Variants in MAP3K15 observed in about 807,000 individuals in gnomAD.
MAP3K15 encodes MAPK/ERK kinase kinase 15.
MAP3K15 carries 124 observed loss-of-function variants against 99.5 expected under a neutral mutation model. The ratio of observed to expected loss-of-function variants is 1.25; its 90% CI spans 1.08 to 1.45. The LOEUF is 1.45. Among genes scored for constraint, MAP3K15 ranks in the 40% most tolerant of loss-of-function variants. The probability of loss-of-function intolerance (pLI) is 0.00; values close to 1 mark genes in which losing one functional copy is unlikely to be tolerated. For missense variants in MAP3K15, 1,242 were observed against 1,079.7 expected, an observed-to-expected ratio of 1.15 and a Z score of -2.11; for synonymous variants, 494 against 439.6, an observed-to-expected ratio of 1.12 and a Z score of -1.55.
chrX:19,381,883 T>G (rs1297780307), intron 18 of MAP3K15, among the ~76,000 whole-genome samples: 1 of 111,855 alleles, frequency 8.9e-6, no homozygotes, highest in African/African-American at 3.3e-5. Flanking sequence ...TGGCCACGCA[T>G]GAATAGAACA....
chrX:19,460,629 G>A (rs760084793), intron 4 of MAP3K15, among the ~76,000 whole-genome samples: 1 of 111,734 alleles, frequency 8.9e-6, no homozygotes, highest in Admixed American at 9.5e-5. Context: ...ATTGAGGTGA[G>A]GGCTGGAAAC....
intron 14 of MAP3K15, among the ~76,000 whole-genome samples, chrX:19,399,169 T>G (rs5955770): frequency 0.16 from 18,258 of 111,650 alleles, 2,714 homozygotes; most frequent in African/African-American, 0.48. Context: ...GGCTGGACAC[T>G]GTGGCTCATG....
intron 14 of MAP3K15, among the ~76,000 whole-genome samples, chrX:19,400,304 C>T (rs1292604612): frequency 1.8e-5 from 2 of 112,070 alleles, no homozygotes; most frequent in Admixed American, 1.9e-4. Context: ...ACTAATTAGC[C>T]TAGAGAAAAC....
intron 6 of MAP3K15, among the ~76,000 whole-genome samples, chrX:19,445,506 C>T (rs918546606): frequency 9.6e-5 from 10 of 104,434 alleles, no homozygotes; most frequent in Admixed American, 8.4e-4. Context: ...AGGAGAATCG[C>T]TTGAACCGAG....
intron 24 of MAP3K15, among the ~76,000 whole-genome samples, chrX:19,370,666 G>A (rs1386945867): frequency 9.3e-6 from 1 of 107,647 alleles, no homozygotes; most frequent in African/African-American, 3.4e-5. Context: ...CAAAGTGCTG[G>A]GATTACAGGC....
At chrX:19,367,467 A>G (rs2063342114) in intron 25 of MAP3K15, among the ~76,000 whole-genome samples, 1 of 70,187 alleles carries the variant, frequency 1.4e-5, no homozygotes, top group South Asian at 5.4e-4. Context: ...TCTTGAACTT[A>G]AAAAAAAAAA....
chrX:19,379,605 G>A (rs1299644030), intron 19 of MAP3K15, among the ~76,000 whole-genome samples: 1 of 110,058 alleles, frequency 9.1e-6, no homozygotes, highest in Non-Finnish European at 1.9e-5. Context: ...GCGCCACCAC[G>A]TCCAGCTGAT....
intron 9 of MAP3K15, 120 bp from the exon 10 acceptor site, chrX:19,415,377 T>A: frequency 1.5e-6 from 1 of 670,563 alleles, no homozygotes. Context: ...ATGTCATGAG[T>A]GCTTCATAAA....
chrX:19,413,279 G>T (rs2063703736), intron 11 of MAP3K15, 78 bp downstream of exon 11: 4 of 658,602 alleles, frequency 6.1e-6, no homozygotes, highest in South Asian at 2.9e-5. Flanking sequence ...AAACATGGGT[G>T]CCTTTTCCTT....
intron 3 of MAP3K15, among the ~76,000 whole-genome samples, chrX:19,471,849 A>G (rs2147374648): frequency 8.9e-6 from 1 of 112,510 alleles, no homozygotes; most frequent in South Asian, 3.6e-4. Context: ...CACTAAAACT[A>G]TCTTTCAAAA....
chrX:19,404,391 T>C (rs997456002), intron 13 of MAP3K15, among the ~76,000 whole-genome samples: 4 of 112,154 alleles, frequency 3.6e-5, no homozygotes, highest in Admixed American at 9.5e-5. Flanking sequence ...GTTCATGGAT[T>C]GGAAGCCAGG....
intron 9 of MAP3K15, among the ~76,000 whole-genome samples, chrX:19,419,864 T>C (rs2063768056): frequency 8.9e-6 from 1 of 111,982 alleles, no homozygotes; most frequent in Non-Finnish European, 1.9e-5. Flanking sequence ...GCAATCAAAC[T>C]AGTACTCATG....
rs1242098349 is a variant in MAP3K15, at chrX:19,426,316, T to C, written c.1194A>G (p.Ser398=). 2.6e-6 allele frequency: 3 copies of C among 1,152,477 alleles called. No homozygotes were observed. The highest frequency in any genetic ancestry group is 3.5e-6 in the Non-Finnish European group (3 of 867,265). The allele number at this position is 1,152,477 out of a possible 1,213,427, so 95.0% of individuals were successfully genotyped here. A position where few individuals can be genotyped will look rare whatever the true frequency, so the allele number is the denominator to read the frequency against. The change falls in exon 8 of 29, where the codon TCA becomes TCG. Residue 398 remains serine (S), a synonymous_variant. Transcript: ENST00000338883. ...EWYRKGFELQ[S]SLYSGINLAV... ...CAAGATTAATTCCCGAATAGAGGGATGACTGGAGTTCAAACCCTTTGCGAT... is the reference window on the plus strand; with the variant it reads ...CAAGATTAATTCCCGAATAGAGGGACGACTGGAGTTCAAACCCTTTGCGAT...
At chrX:19,448,242 C>T (rs1003048440) in intron 6 of MAP3K15, among the ~76,000 whole-genome samples, 2 of 109,227 alleles carry the variant, frequency 1.8e-5, no homozygotes, top group Non-Finnish European at 3.9e-5. Flanking sequence ...GAGTGCCAAG[C>T]GGAGGCCCTG....
In MAP3K15 at chrX:19,488,823, T is replaced by C. The variant is rs749893712; in HGVS notation, c.501+5A>G. The C allele has an allele frequency of 6.3e-5, 75 of 1,195,723 alleles. No individual in the cohort carries two copies. Among genetic ancestry groups the C allele is most frequent in the East Asian group, 3.9e-4 (13 of 33,748 alleles). On this transcript the variant is annotated splice_donor_5th_base_variant and intron_variant, in intron 2 of 28. Coordinates refer to ENST00000338883, the MANE Select transcript of MAP3K15 (RefSeq NM_001001671.4). Reference sequence around the variant, plus strand: ...AGTACTCAGGAGAAGGTGAATACACTGTACCTTCAAAGAGAGAGCAGTGTC... The same window carrying C: ...AGTACTCAGGAGAAGGTGAATACACCGTACCTTCAAAGAGAGAGCAGTGTC...
At chrX:19,415,668 C>T (rs58687046) in intron 9 of MAP3K15, among the ~76,000 whole-genome samples, 5,282 of 109,586 alleles carry the variant, frequency 0.048, 347 homozygotes, top group African/African-American at 0.17. Context: ...GTTCTGGAGA[C>T]GTGCGACAAT....
At chrX:19,418,101 G>A (rs1251812510) in intron 9 of MAP3K15, among the ~76,000 whole-genome samples, 1 of 111,767 alleles carries the variant, frequency 8.9e-6, no homozygotes, top group Non-Finnish European at 1.9e-5. Flanking sequence ...AAGAAACAGA[G>A]CAGAAAAACT....
intron 6 of MAP3K15, among the ~76,000 whole-genome samples, chrX:19,439,440 T>C (rs185963388): frequency 1.3e-4 from 14 of 111,378 alleles, no homozygotes; most frequent in African/African-American, 4.2e-4. Flanking sequence ...GCCAAACTCA[T>C]CAAATCGTGC....
chrX:19,392,903 G>T (rs1313296443), intron 16 of MAP3K15, among the ~76,000 whole-genome samples: 2 of 110,211 alleles, frequency 1.8e-5, no homozygotes, highest in Non-Finnish European at 3.8e-5. Flanking sequence ...TTTATACCTT[G>T]TCTGTAATCA....
Sources: allele counts gnomAD v4.1 joint callset (sites outside exome capture counted in the v4.1 genomes callset), GRCh38; gene constraint gnomAD v4.1.1; transcripts MANE v1.5; gene names NCBI Gene and HGNC (gene_info 2026-07-23, HGNC 2026-07-21).